The following UNC13B variants were observed in gnomAD, a reference collection of about 807,000 sequenced individuals.
The protein encoded by UNC13B is unc-13 homolog B.
UNC13B carries 144 observed loss-of-function variants against 211.0 expected under a neutral mutation model. That is an observed-to-expected ratio of 0.68 (90% CI 0.60 to 0.78). The LOEUF (loss-of-function observed/expected upper bound fraction) is 0.78, where lower values mean the gene tolerates loss of function less well. Ranked by LOEUF, UNC13B falls within the 30% of genes least tolerant of loss-of-function variation. The probability of loss-of-function intolerance (pLI) is 0.00; values close to 1 mark genes in which losing one functional copy is unlikely to be tolerated. For missense variants in UNC13B, 1,777 were observed against 2,002.0 expected (o/e 0.89, Z 2.14); for synonymous variants, 709 against 725.8 (o/e 0.98, Z 0.37).
At position 35,220,585 on chromosome 9, in the gene UNC13B, C is replaced by T. The variant is rs573249553; in HGVS notation, c.23-7430C>T. Among the ~76,000 whole-genome samples the T allele has an allele frequency of 4.7e-4, 71 of 152,240 alleles. 2 individuals carry two copies. The South Asian group carries it at 0.015, about 32-fold the overall frequency. On this transcript the variant is annotated intron_variant, in intron 1 of 39. Coordinates refer to ENST00000635942, the MANE Select transcript of UNC13B (RefSeq NM_001371189.2). ...CACATAACACAATGACCTCCAGTTC[C>T]ATCCATGTTGTTGCAAGTGACAGGA...
intron 1 of UNC13B, among the ~76,000 whole-genome samples, chr9:35,174,168 C>T (rs1821486038): frequency 6.6e-6 from 1 of 152,044 alleles, no homozygotes; most frequent in Non-Finnish European, 1.5e-5. Flanking sequence ...GACAGAATCT[C>T]ACCTTTTTTG....
chr9:35,342,253 A>G, intron 11 of UNC13B: 1 of 985,676 alleles, frequency 1.0e-6, no homozygotes, highest in Non-Finnish European at 1.2e-6. Flanking sequence ...ATTTCCTCTT[A>G]AAGACAGCAT....
Position 35,162,396 on chromosome 9 carries a change from A to G in UNC13B, c.22+91A>G, listed in dbSNP as rs370355973. 69 of 1,422,620 alleles carry G rather than the reference A, an allele frequency of 4.9e-5. No individual in the cohort carries two copies. The African/African-American group carries it at 7.0e-4, about 15-fold the overall frequency. 88.1% of individuals were successfully genotyped at this position (1,422,620 alleles called of 1,614,324 possible). On this transcript the variant is annotated intron_variant, in intron 1 of 39. Transcript: ENST00000635942. ...GACGTCCGGTGACCGTCTCACCCAA[A>G]CTTTACATCCCGTCCGTGCTTTGGG... is the stretch of plus-strand genomic sequence containing the variant.
Position 35,310,481 on chromosome 9 carries a change from G to GT in UNC13B, c.9024dup (p.Arg3009Ter). On this transcript the variant is annotated frameshift_variant, in exon 10 of 40. Coordinates refer to ENST00000635942, the MANE Select transcript of UNC13B (RefSeq NM_001371189.2). LOFTEE classifies it high-confidence loss of function. ...CATTCTCACAGCCCCACCAGCAGCA[G>GT]TAGGTATGGCTCCTCCTGTAATGTG... The GT allele has an allele frequency of 6.2e-7, 1 of 1,613,138 alleles. No individual in the cohort carries two copies. The highest frequency in any genetic ancestry group is 1.1e-5 in the South Asian group (1 of 91,064).
intron 1 of UNC13B, among the ~76,000 whole-genome samples, chr9:35,188,115 T>C (rs4111861): frequency 0.82 from 124,607 of 152,148 alleles, 51,290 homozygotes; most frequent in East Asian, 0.98. Flanking sequence ...GTGAGTGCAG[T>C]CCATTTAGTT....
At chr9:35,322,999 T>TTA (rs936004722) in intron 11 of UNC13B, among the ~76,000 whole-genome samples, 2 of 151,630 alleles carry the variant, frequency 1.3e-5, no homozygotes, top group Non-Finnish European at 2.9e-5. Context: ...GAAAAGGATA[T>TTA]TATATATAGA....
intron 11 of UNC13B, among the ~76,000 whole-genome samples, chr9:35,329,986 C>T (rs764479565): frequency 6.6e-6 from 1 of 152,130 alleles, no homozygotes; most frequent in South Asian, 2.1e-4. Flanking sequence ...AGCCCATTCA[C>T]AATATTGTGT....
chr9:35,244,016 T>C (rs1825949424), intron 6 of UNC13B, among the ~76,000 whole-genome samples: 1 of 152,038 alleles, frequency 6.6e-6, no homozygotes, highest in South Asian at 2.1e-4. Flanking sequence ...TTTGAATGGG[T>C]AGGGAGCTGT....
intron 7 of UNC13B, among the ~76,000 whole-genome samples, chr9:35,273,084 G>A (rs527948978): frequency 1.3e-5 from 2 of 152,228 alleles, no homozygotes; most frequent in South Asian, 2.1e-4. Flanking sequence ...TCCTGAGTAC[G>A]AATCATTCTT....
chr9:35,384,794 A>C, intron 22 of UNC13B: 1 of 929,626 alleles, frequency 1.1e-6, no homozygotes, highest in Non-Finnish European at 1.3e-6. Flanking sequence ...AAGGGAGGAA[A>C]TAGGTATAGT....
chr9:35,270,364 T>C (rs1214052555), intron 7 of UNC13B, among the ~76,000 whole-genome samples: 1 of 151,680 alleles, frequency 6.6e-6, no homozygotes, highest in Non-Finnish European at 1.5e-5. Context: ...TGTGTGTGTA[T>C]GTATGTGTTT....
chr9:35,389,988 C>G lies in UNC13B; in HGVS notation c.11222+15C>G, dbSNP rs746782428. On this transcript the variant is annotated intron_variant, in intron 25 of 39. Coordinates refer to ENST00000635942, the MANE Select transcript of UNC13B (RefSeq NM_001371189.2). The stretch of plus-strand genomic sequence containing the variant: ...GTTCTGAACCAGTGAGTATCACCCT[C>G]TTTGGCCCTGTCTGTTGGTGGTTGG... The G allele has an allele frequency of 6.2e-7, 1 of 1,612,772 alleles. No homozygotes were observed. The highest frequency in any genetic ancestry group is 1.7e-5 in the Admixed American group (1 of 60,010).
At position 35,304,599 on chromosome 9, in the gene UNC13B, C is replaced by T. The variant is rs527440286; in HGVS notation, c.5195C>T (p.Pro1732Leu). 2 of 398,686 alleles carry T rather than the reference C, an allele frequency of 5.0e-6. No individual in the cohort carries two copies. The highest frequency in any genetic ancestry group is 4.4e-5 in the Admixed American group (1 of 22,684). 24.7% of individuals were successfully genotyped at this position (398,686 alleles called of 1,614,324 possible). A position where few individuals can be genotyped will look rare whatever the true frequency, so the allele number is the denominator to read the frequency against. The change falls in exon 9 of 40, where the codon CCT becomes CTT. Residue 1732 changes from proline to leucine, a missense_variant. By Grantham distance (98) the Pro-to-Leu change is moderately conservative. Coordinates refer to ENST00000635942, the MANE Select transcript of UNC13B (RefSeq NM_001371189.2). ...GAAGAAGTTACCACTTTGGTTCATCCTGAAAATATGACTAAAGGCTCACAA... is the reference window on the plus strand; with the variant it reads ...GAAGAAGTTACCACTTTGGTTCATCTTGAAAATATGACTAAAGGCTCACAA... ...SVEEVTTLVH[P>L]ENMTKGSQQA...
At chr9:35,256,693 T>A (rs1826898666) in intron 6 of UNC13B, among the ~76,000 whole-genome samples, 1 of 152,202 alleles carries the variant, frequency 6.6e-6, no homozygotes, top group Non-Finnish European at 1.5e-5. Context: ...AGGCTATATG[T>A]ACATTTATAT....
chr9:35,402,006 G>A, intron 37 of UNC13B: 1 of 1,550,504 alleles, frequency 6.4e-7, no homozygotes, highest in African/African-American at 1.4e-5. Flanking sequence ...GTCCGGAAAA[G>A]GGTATGTTGT....
intron 10 of UNC13B, 27 bp from the exon 11 acceptor site, chr9:35,313,872 A>G: frequency 6.3e-7 from 1 of 1,587,766 alleles, no homozygotes; most frequent in Non-Finnish European, 8.6e-7. Flanking sequence ...GCTATTTTTA[A>G]GAAATGTACT....
intron 16 of UNC13B, 107 bp from the exon 17 acceptor site, chr9:35,378,188 G>A: frequency 7.0e-7 from 1 of 1,423,832 alleles, no homozygotes; most frequent in Non-Finnish European, 9.5e-7. Flanking sequence ...TGGGATTACG[G>A]TATCTGTGCA....
intron 23 of UNC13B, 52 bp from the exon 24 acceptor site, chr9:35,386,113 C>T: frequency 6.2e-7 from 1 of 1,610,756 alleles, no homozygotes; most frequent in South Asian, 1.1e-5. Flanking sequence ...AGGAGAATAT[C>T]CCACCCAGGT....
At chr9:35,384,360 G>A (rs749755315) in intron 22 of UNC13B, 46 bp downstream of exon 22, 61 of 1,590,904 alleles carry the variant, frequency 3.8e-5, no homozygotes, top group Admixed American at 1.5e-4. Flanking sequence ...TATCAAGCAC[G>A]GTCCCAGAGA....
Sources: allele counts gnomAD v4.1 joint callset (sites outside exome capture counted in the v4.1 genomes callset), GRCh38; gene constraint gnomAD v4.1.1; transcripts MANE v1.5; gene names NCBI Gene and HGNC (gene_info 2026-07-23, HGNC 2026-07-21).